KCNIP3: variants seen among roughly 807,000 people sequenced by gnomAD.
KCNIP3 encodes calsenilin.
KCNIP3 carries 28 observed loss-of-function variants against 35.0 expected under a neutral mutation model. The observed-to-expected ratio is 0.80, with a 90% CI of 0.59 to 1.10. The LOEUF (loss-of-function observed/expected upper bound fraction) is 1.10. KCNIP3 is among the 50% of genes least tolerant of loss of function. KCNIP3 has a pLI of 0.00. For missense variants in KCNIP3, 295 were observed against 338.4 expected (o/e 0.87, Z 1.01); for synonymous variants, 134 against 133.8 (o/e 1.00, Z -0.01).
intron 2 of KCNIP3, chr2:95,347,108 C>G: frequency 6.2e-7 from 1 of 1,610,972 alleles, no homozygotes; most frequent in Admixed American, 1.7e-5. Context: ...ATCCTGGAGC[C>G]CATATCCATG....
chr2:95,347,062 G>GTGC, intron 2 of KCNIP3: 1 of 1,612,060 alleles, frequency 6.2e-7, no homozygotes, highest in South Asian at 1.1e-5. Context: ...GGCCGTGGTG[G>GTGC]TGCTGCTGTT....
chr2:95,370,187 A>G (rs1272608903), intron 2 of KCNIP3, among the ~76,000 whole-genome samples: 1 of 151,968 alleles, frequency 6.6e-6, no homozygotes, highest in African/African-American at 2.4e-5. Flanking sequence ...TTTTTATTGT[A>G]TGTTGGACAT....
intron 1 of KCNIP3, chr2:95,299,037 G>T (rs1490377804): frequency 6.6e-6 from 1 of 152,272 alleles, no homozygotes; most frequent in Non-Finnish European, 1.5e-5. Flanking sequence ...ACTGCCAAAG[G>T]TCACTCTGGG....
At position 95,310,394 on chromosome 2, in the gene KCNIP3, C is replaced by A; in HGVS notation, c.55C>A (p.Leu19Ile). 1 of 1,613,278 alleles carries A rather than the reference C, an allele frequency of 6.2e-7. No homozygotes were observed. Among genetic ancestry groups the A allele is most frequent in the Non-Finnish European group, 8.5e-7 (1 of 1,179,526 alleles). ...GTCGGACGGCAGCCTCCTGGGGGAC[C>A]TCGGGCACACACCACTTAGCAAGAA... ...KASDGSLLGD[L>I]GHTPLSKKEG... The change falls in exon 2 of 9, where the codon CTC becomes ATC. Residue 19 changes from leucine to isoleucine, a missense_variant. By Grantham distance (5) the Leu-to-Ile change is conservative. Coordinates refer to ENST00000295225, the MANE Select transcript of KCNIP3 (RefSeq NM_013434.5).
chr2:95,327,019 C>T (rs942959038), intron 2 of KCNIP3, among the ~76,000 whole-genome samples: 12 of 152,212 alleles, frequency 7.9e-5, no homozygotes, highest in Non-Finnish European at 1.6e-4. Context: ...CGGCACGTGC[C>T]GGCTGCCCAG....
intron 2 of KCNIP3, among the ~76,000 whole-genome samples, chr2:95,325,817 A>T (rs186412693): frequency 0.031 from 4,601 of 149,120 alleles, 104 homozygotes; most frequent in Non-Finnish European, 0.045. Context: ...ACTCATACAC[A>T]CATACACATA....
intron 5 of KCNIP3, among the ~76,000 whole-genome samples, chr2:95,380,645 C>A (rs1680314780): frequency 6.6e-6 from 1 of 152,228 alleles, no homozygotes; most frequent in Admixed American, 6.5e-5. Context: ...CAGCCATATT[C>A]TGTCATATTA....
chr2:95,337,819 G>C (rs1679096596), intron 2 of KCNIP3, among the ~76,000 whole-genome samples: 1 of 152,164 alleles, frequency 6.6e-6, no homozygotes, highest in African/African-American at 2.4e-5. Context: ...GCTCTCTGCT[G>C]TCCTCATGAT....
At chr2:95,327,858 G>A (rs1678832800) in intron 2 of KCNIP3, among the ~76,000 whole-genome samples, 1 of 152,232 alleles carries the variant, frequency 6.6e-6, no homozygotes, top group South Asian at 2.1e-4. Context: ...AGCCAGGGAA[G>A]CCTTCCCCTC....
At chr2:95,314,951 C>T (rs566230870) in intron 2 of KCNIP3, among the ~76,000 whole-genome samples, 13 of 152,324 alleles carry the variant, frequency 8.5e-5, no homozygotes, top group South Asian at 2.1e-4. Context: ...GAACCCGCAA[C>T]GGCTGCCAGA....
chr2:95,305,621 G>A (rs551754252), intron 1 of KCNIP3, among the ~76,000 whole-genome samples: 2 of 152,112 alleles, frequency 1.3e-5, no homozygotes, highest in African/African-American at 2.4e-5. Context: ...CCCTCCTGCC[G>A]CCCTGTGAGA....
chr2:95,346,523 C>G (rs1573503780), intron 2 of KCNIP3, among the ~76,000 whole-genome samples: 3 of 148,566 alleles, frequency 2.0e-5, no homozygotes, highest in African/African-American at 7.3e-5. Context: ...GAGTGGCCGC[C>G]GCGCCTAGGC....
intron 2 of KCNIP3, among the ~76,000 whole-genome samples, chr2:95,325,873 ACT>A (rs1321485203): frequency 4.6e-5 from 7 of 150,708 alleles, no homozygotes; most frequent in African/African-American, 1.7e-4. Flanking sequence ...GCACACATAC[ACT>A]CAGACATACA....
chr2:95,354,221 C>G (rs151224867), intron 2 of KCNIP3, among the ~76,000 whole-genome samples: 2 of 152,358 alleles, frequency 1.3e-5, no homozygotes, highest in East Asian at 3.9e-4. Flanking sequence ...TTTCTGTGTT[C>G]CTGTCCTGCC....
intron 2 of KCNIP3, 93 bp downstream of exon 2, chr2:95,310,613 C>A: frequency 1.4e-6 from 2 of 1,409,144 alleles, no homozygotes; most frequent in East Asian, 2.3e-5. Context: ...CAGCCTGGGA[C>A]CCCAGCCTGG....
rs540396032 is a variant in KCNIP3 at position 95,381,674 on chromosome 2, A to G, written c.526A>G (p.Ile176Val). 6.2e-7 allele frequency: 1 copy of G among 1,613,806 alleles called. No homozygotes were observed. Among genetic ancestry groups the G allele is most frequent in the South Asian group, 1.1e-5 (1 of 91,072 alleles). ...KLKWAFNLYDINKDGYITKEE... is the reference protein window; with the variant it reads ...KLKWAFNLYDVNKDGYITKEE... ...CAAGTGGGCCTTTAATCTCTACGAC[A>G]TTAACAAGGATGGCTACATCACCAA... Residue 176 changes from isoleucine to valine, a missense_variant, in exon 6 of 9, where the codon ATT (isoleucine) becomes GTT (valine). Transcript: ENST00000295225.
chr2:95,336,178 TC>T (rs1679055850), intron 2 of KCNIP3, among the ~76,000 whole-genome samples: 1 of 152,232 alleles, frequency 6.6e-6, no homozygotes, highest in African/African-American at 2.4e-5. Context: ...TCCAGTTTGT[TC>T]TCACTTTATC....
intron 2 of KCNIP3, among the ~76,000 whole-genome samples, chr2:95,318,839 G>A (rs1017706163): frequency 6.6e-6 from 1 of 152,226 alleles, no homozygotes; most frequent in East Asian, 1.9e-4. Context: ...TTTCCAAAGA[G>A]AGATAAAATG....
intron 2 of KCNIP3, among the ~76,000 whole-genome samples, chr2:95,324,555 A>AATAAATAAATAAAAAT (rs1573490409): frequency 6.6e-6 from 1 of 150,588 alleles, no homozygotes; most frequent in Non-Finnish European, 1.5e-5. Context: ...TAAATAAATA[A>AATAAATAAATAAAAAT]AAATAACGTG....
Sources: gnomAD v4.1 joint callset for allele counts (sites outside exome capture counted in the v4.1 genomes callset) on GRCh38, gnomAD v4.1.1 for gene constraint, MANE v1.5 for transcripts, NCBI Gene and HGNC (gene_info 2026-07-23, HGNC 2026-07-21) for gene names.